SBK1: variants seen among roughly 807,000 people sequenced by gnomAD.
The protein encoded by SBK1 is serine/threonine-protein kinase SBK1.
Under a neutral mutation model 24.4 loss-of-function variants are expected in SBK1, and 11 were observed. That is an observed-to-expected ratio of 0.45 (90% confidence interval 0.28 to 0.75). The LOEUF (loss-of-function observed/expected upper bound fraction) is 0.75. Ranked by LOEUF, SBK1 falls within the 30% of genes least tolerant of loss-of-function variation. The probability of loss-of-function intolerance (pLI) is 0.12; values close to 1 mark genes in which losing one functional copy is unlikely to be tolerated. For synonymous variants in SBK1, 308 were observed against 284.4 expected, an observed-to-expected ratio of 1.08 and a Z score of -0.83; for missense variants, 467 against 620.5, an observed-to-expected ratio of 0.75 and a Z score of 2.63.
intron 1 of SBK1, among the ~76,000 whole-genome samples, chr16:28,265,268 T>G (rs999666827): frequency 1.7e-4 from 26 of 150,024 alleles, no homozygotes; most frequent in East Asian, 4.0e-4. Context: ...AAGAAAGAAA[T>G]AAAAGCCGGG....
chr16:28,274,818 TA>T (rs1477382175), intron 1 of SBK1, among the ~76,000 whole-genome samples: 1 of 152,056 alleles, frequency 6.6e-6, no homozygotes, highest in Non-Finnish European at 1.5e-5. Context: ...ACCAATGTTA[TA>T]ATGCAACTGT....
chr16:28,312,550 G>A (rs956475808), intron 1 of SBK1, among the ~76,000 whole-genome samples: 3 of 152,242 alleles, frequency 2.0e-5, no homozygotes, highest in Non-Finnish European at 4.4e-5. Context: ...CACTAGAGTA[G>A]AGAGGAAGGG....
chr16:28,278,529 T>C (rs899331513), intron 1 of SBK1, among the ~76,000 whole-genome samples: 6 of 152,128 alleles, frequency 3.9e-5, no homozygotes, highest in Admixed American at 1.3e-4. Flanking sequence ...TTATTTTATT[T>C]TATTCTATTC....
chr16:28,280,625 C>T (rs2044528079), intron 1 of SBK1, among the ~76,000 whole-genome samples: 1 of 151,724 alleles, frequency 6.6e-6, no homozygotes, highest in East Asian at 1.9e-4. Context: ...CCTCTATGGC[C>T]CTACTGTGAG....
At chr16:28,279,030 A>G (rs2044512515) in intron 1 of SBK1, among the ~76,000 whole-genome samples, 1 of 151,894 alleles carries the variant, frequency 6.6e-6, no homozygotes, top group Non-Finnish European at 1.5e-5. Context: ...GTTCAAGACT[A>G]GCCTGACCAA....
intron 1 of SBK1, among the ~76,000 whole-genome samples, chr16:28,261,801 C>G (rs2044399546): frequency 6.6e-6 from 1 of 152,120 alleles, no homozygotes; most frequent in South Asian, 2.1e-4. Context: ...TTTGGGAAGC[C>G]CCAGAAAGAG....
chr16:28,263,027 A>G (rs1046371245), intron 1 of SBK1, among the ~76,000 whole-genome samples: 4 of 152,184 alleles, frequency 2.6e-5, no homozygotes, highest in Admixed American at 1.3e-4. Context: ...GAAACCACAC[A>G]TGAGGTTTTT....
At chr16:28,299,204 G>T (rs1383899334) in intron 1 of SBK1, among the ~76,000 whole-genome samples, 1 of 152,150 alleles carries the variant, frequency 6.6e-6, no homozygotes, top group Admixed American at 6.5e-5. Context: ...TAAACAAGGG[G>T]GATGATATTA....
intron 1 of SBK1, among the ~76,000 whole-genome samples, chr16:28,276,927 GTGC>G (rs1355361937): frequency 2.6e-5 from 4 of 152,148 alleles, no homozygotes. Context: ...GCCTCCCAAA[GTGC>G]TGGGATTACA....
At chr16:28,268,607 A>G (rs2044444457) in intron 1 of SBK1, among the ~76,000 whole-genome samples, 1 of 152,002 alleles carries the variant, frequency 6.6e-6, no homozygotes, top group African/African-American at 2.4e-5. Context: ...TACTAAAAAT[A>G]CAAAAATTAA....
chr16:28,279,895 T>A (rs1322069505), intron 1 of SBK1, among the ~76,000 whole-genome samples: 1 of 151,632 alleles, frequency 6.6e-6, no homozygotes, highest in Non-Finnish European at 1.5e-5. Flanking sequence ...CGGGGGGACA[T>A]GTGGGCAACA....
chr16:28,260,612 C>T (rs1286879953), intron 1 of SBK1, among the ~76,000 whole-genome samples: 4 of 152,166 alleles, frequency 2.6e-5, no homozygotes, highest in South Asian at 4.1e-4. Context: ...GCACAGTTCC[C>T]GCTCCGTGGG....
In SBK1 at chr16:28,319,857, C is replaced by T. The variant is rs892500386; in HGVS notation, c.430-219C>T. On this transcript the variant is annotated intron_variant, in intron 3 of 3. Coordinates refer to ENST00000341901, the MANE Select transcript of SBK1 (RefSeq NM_001024401.3). This position sits in a 1 kb window ranked among gnomAD's most constrained non-coding sequence, Gnocchi z 4.0. ...GTCCCTCCTGGAGCCCCGATGTCCC[C>T]ATAGGAGAAGCAGGCATGGTAGCCA... Among the ~76,000 whole-genome samples the T allele has an allele frequency of 9.9e-5, 15 of 152,136 alleles. No homozygotes were observed. The highest frequency in any genetic ancestry group is 3.6e-4 in the African/African-American group (15 of 41,430).
chr16:28,312,427 C>T (rs1012931270), intron 1 of SBK1, among the ~76,000 whole-genome samples: 3 of 152,158 alleles, frequency 2.0e-5, no homozygotes, highest in Non-Finnish European at 2.9e-5. Flanking sequence ...GCGGAGATGT[C>T]GCCCCATGTA....
intron 1 of SBK1, among the ~76,000 whole-genome samples, chr16:28,302,964 G>GGC (rs1038974188): frequency 1.6e-5 from 2 of 123,710 alleles, no homozygotes; most frequent in Non-Finnish European, 3.3e-5. Context: ...CAGGGCATGG[G>GGC]GGGGGGTCAG....
At position 28,259,554 on chromosome 16, in the gene SBK1, G is replaced by A. The variant is rs894437478; in HGVS notation, c.257+52G>A. The A allele has an allele frequency of 3.2e-5, 18 of 566,304 alleles. No homozygotes were observed. The highest frequency in any genetic ancestry group is 3.8e-5 in the Non-Finnish European group (17 of 447,382). The allele number at this position is 566,304 out of a possible 1,614,324, so 35.1% of individuals were successfully genotyped here. On this transcript the variant is annotated intron_variant, in intron 1 of 3. Transcript: ENST00000671413. The surrounding 1 kb of genome is among the most constrained non-coding windows in gnomAD (Gnocchi z 6.0). The stretch of plus-strand genomic sequence containing the variant: ...TGGGCAGCAGGTGGGCACAGCGCTC[G>A]ACCCAGGGTGCCTGTGGGCCTGGCA...
chr16:28,275,417 T>A (rs1212004743), intron 1 of SBK1, among the ~76,000 whole-genome samples: 1 of 152,118 alleles, frequency 6.6e-6, no homozygotes, highest in East Asian at 1.9e-4. Context: ...TATATGTATA[T>A]AAGAAGAGAA....
chr16:28,280,136 T>TAC, intron 1 of SBK1, among the ~76,000 whole-genome samples: 1 of 86,744 alleles, frequency 1.2e-5, no homozygotes, highest in African/African-American at 4.1e-5. Flanking sequence ...TATATATATA[T>TAC]ATATATATAT....
At chr16:28,265,848 C>T (rs997596805) in intron 1 of SBK1, among the ~76,000 whole-genome samples, 1 of 151,220 alleles carries the variant, frequency 6.6e-6, no homozygotes, top group African/African-American at 2.4e-5. Context: ...GTGGTACGCA[C>T]CTGTAATCTG....
Sources: gnomAD v4.1 joint callset for allele counts (sites outside exome capture counted in the v4.1 genomes callset) on GRCh38, gnomAD v4.1.1 for gene constraint, Gnocchi (gnomAD v3.1) non-coding constraint, MANE v1.5 for transcripts, NCBI Gene and HGNC (gene_info 2026-07-23, HGNC 2026-07-21) for gene names.